The following ADAMTS17 variants were observed in gnomAD, a reference collection of about 807,000 sequenced individuals.
The protein encoded by ADAMTS17 is A disintegrin and metalloproteinase with thrombospondin motifs 17.
ADAMTS17 carries 113 observed loss-of-function variants against 141.5 expected under a neutral mutation model. That is an observed-to-expected ratio of 0.80 (90% CI 0.69 to 0.93). ADAMTS17 has a LOEUF of 0.93. ADAMTS17 is among the 40% of genes least tolerant of loss of function. ADAMTS17 has a pLI of 0.00. For synonymous variants in ADAMTS17, 768 were observed against 630.6 expected (o/e 1.22, Z -3.27); for missense variants, 1,659 against 1,517.9 (o/e 1.09, Z -1.54).
At chr15:100,017,611 TC>T (rs34100729) in intron 18 of ADAMTS17, among the ~76,000 whole-genome samples, 1 of 152,178 alleles carries the variant, frequency 6.6e-6, no homozygotes, top group African/African-American at 2.4e-5. Context: ...GATGGAAACT[TC>T]CCCCGAAAAC....
At chr15:100,096,908 A>G (rs906746145) in intron 14 of ADAMTS17, among the ~76,000 whole-genome samples, 1 of 152,228 alleles carries the variant, frequency 6.6e-6, no homozygotes, top group Non-Finnish European at 1.5e-5. Context: ...TGGCTGAAAC[A>G]ACCAGTAGTC....
intron 15 of ADAMTS17, among the ~76,000 whole-genome samples, chr15:100,075,010 C>T (rs2034268682): frequency 6.6e-6 from 1 of 151,964 alleles, no homozygotes; most frequent in Non-Finnish European, 1.5e-5. Context: ...TCATCCTGTC[C>T]CCTACCAATA....
At chr15:100,309,853 C>A (rs2045347296) in intron 3 of ADAMTS17, among the ~76,000 whole-genome samples, 1 of 152,192 alleles carries the variant, frequency 6.6e-6, no homozygotes, top group Non-Finnish European at 1.5e-5. Context: ...CCCCCGACCA[C>A]AGTAGCCAAC....
At chr15:100,222,844 C>A (rs529789194) in intron 7 of ADAMTS17, among the ~76,000 whole-genome samples, 1 of 152,172 alleles carries the variant, frequency 6.6e-6, no homozygotes, top group African/African-American at 2.4e-5. Flanking sequence ...TCGAATGCTA[C>A]GGACCAGGCA....
chr15:99,994,605 C>T (rs754998104), intron 19 of ADAMTS17, among the ~76,000 whole-genome samples: 2 of 152,216 alleles, frequency 1.3e-5, no homozygotes, highest in Non-Finnish European at 2.9e-5. Flanking sequence ...CTCGCTCTGT[C>T]ACCCAGGCTG....
intron 7 of ADAMTS17, among the ~76,000 whole-genome samples, chr15:100,237,597 G>C (rs2141879395): frequency 6.6e-6 from 1 of 152,324 alleles, no homozygotes. Context: ...CAATACACAA[G>C]TAGGGAAAGG....
chr15:100,205,590 C>G (rs2041511973), intron 7 of ADAMTS17, among the ~76,000 whole-genome samples: 1 of 152,134 alleles, frequency 6.6e-6, no homozygotes, highest in South Asian at 2.1e-4. Flanking sequence ...CAGAGAGGCT[C>G]AGGGGCTTCT....
intron 3 of ADAMTS17, among the ~76,000 whole-genome samples, chr15:100,290,363 C>T (rs1034844882): frequency 6.6e-6 from 1 of 152,148 alleles, no homozygotes; most frequent in Non-Finnish European, 1.5e-5. Context: ...AGAGATGACA[C>T]AAACAAATGG....
chr15:100,123,866 G>A (rs996889868), intron 12 of ADAMTS17, among the ~76,000 whole-genome samples: 1 of 152,212 alleles, frequency 6.6e-6, no homozygotes, highest in African/African-American at 2.4e-5. Context: ...CAGCCACCAC[G>A]AGGCCTGAAG....
chr15:100,335,480 C>G (rs2046180934), intron 2 of ADAMTS17, among the ~76,000 whole-genome samples: 1 of 152,206 alleles, frequency 6.6e-6, no homozygotes, highest in South Asian at 2.1e-4. Context: ...TCCAGCACAC[C>G]TACCTCCAGG....
At chr15:100,231,015 T>G (rs1319204141) in intron 7 of ADAMTS17, among the ~76,000 whole-genome samples, 1 of 152,294 alleles carries the variant, frequency 6.6e-6, no homozygotes, top group Admixed American at 6.5e-5. Flanking sequence ...GAGAACTCTG[T>G]TGGCACCAAA....
intron 10 of ADAMTS17, among the ~76,000 whole-genome samples, chr15:100,149,364 T>C (rs542943793): frequency 3.3e-5 from 5 of 152,356 alleles, no homozygotes; most frequent in East Asian, 3.9e-4. Context: ...TATGTCAGTA[T>C]GTTCAGTTCT....
chr15:100,300,212 G>T (rs77631538), intron 3 of ADAMTS17, among the ~76,000 whole-genome samples: 2,794 of 152,134 alleles, frequency 0.018, 78 homozygotes, highest in African/African-American at 0.063. Context: ...TGTCACAGAA[G>T]CCCCAGATGT....
At position 99,978,099 on chromosome 15, in the gene ADAMTS17, C is replaced by T. The variant is rs755632817; in HGVS notation, c.2950-1877G>A. ...GGTGCCCCGCAGATCCTGTGCTTCC[C>T]GTGTCCTCACTCTTGGTCCTGACCC... is the stretch of plus-strand genomic sequence containing the variant. On this transcript the variant is annotated intron_variant, in intron 20 of 21. Transcript: ENST00000268070. Among the ~76,000 whole-genome samples, 175 of 152,294 alleles carry T rather than the reference C, an allele frequency of 1.1e-3. 1 individual carries two copies. Among genetic ancestry groups the T allele is most frequent in the Middle Eastern group, 0.01 (3 of 294 alleles).
chr15:100,252,890 G>T (rs951737118), intron 7 of ADAMTS17, among the ~76,000 whole-genome samples: 3 of 152,046 alleles, frequency 2.0e-5, no homozygotes, highest in Admixed American at 2.0e-4. Context: ...GATTTTGAAG[G>T]GTCTTGTGAG....
intron 13 of ADAMTS17, among the ~76,000 whole-genome samples, chr15:100,116,484 C>T (rs955280809): frequency 3.3e-5 from 5 of 152,236 alleles, no homozygotes; most frequent in South Asian, 2.1e-4. Flanking sequence ...AGAGAGCAGC[C>T]GCACCAGCAC....
intron 18 of ADAMTS17, among the ~76,000 whole-genome samples, chr15:100,044,983 T>C (rs2031568040): frequency 6.6e-6 from 1 of 152,052 alleles, no homozygotes; most frequent in East Asian, 1.9e-4. Flanking sequence ...AATTTTTGTA[T>C]TTTTAGTAGA....
chr15:100,328,742 T>A (rs1369409906), intron 3 of ADAMTS17, among the ~76,000 whole-genome samples: 1 of 152,096 alleles, frequency 6.6e-6, no homozygotes, highest in African/African-American at 2.4e-5. Flanking sequence ...ATGTCAGTGA[T>A]CCTCAGTATC....
chr15:100,039,413 A>G (rs1242735612), intron 18 of ADAMTS17, among the ~76,000 whole-genome samples: 2 of 152,158 alleles, frequency 1.3e-5, no homozygotes, highest in African/African-American at 4.8e-5. Flanking sequence ...TGCTTTAGCC[A>G]CATTCCCTAA....
Sources: allele counts gnomAD v4.1 joint callset (sites outside exome capture counted in the v4.1 genomes callset), GRCh38; gene constraint gnomAD v4.1.1; transcripts MANE v1.5; gene names NCBI Gene and HGNC (gene_info 2026-07-23, HGNC 2026-07-21).